UBL3: variants seen among roughly 807,000 people sequenced by gnomAD.
UBL3 encodes ubiquitin like 3, also known as ubiquitin-like protein 3.
Under a neutral mutation model 18.4 loss-of-function variants are expected in UBL3, and 6 were observed. The ratio of observed to expected loss-of-function variants is 0.33; its 90% CI spans 0.18 to 0.64. The LOEUF (loss-of-function observed/expected upper bound fraction) is 0.64. Among genes scored for constraint, UBL3 ranks in the 30% least tolerant of loss-of-function variants. The probability of loss-of-function intolerance (pLI) is 0.76; values close to 1 mark genes in which losing one functional copy is unlikely to be tolerated. For synonymous variants in UBL3, 49 were observed against 46.6 expected, an observed-to-expected ratio of 1.05 and a Z score of -0.21; for missense variants, 109 against 142.9, an observed-to-expected ratio of 0.76 and a Z score of 1.21.
intron 1 of UBL3, among the ~76,000 whole-genome samples, chr13:29,788,470 C>A (rs895218249): frequency 2.6e-5 from 4 of 152,152 alleles, no homozygotes; most frequent in Admixed American, 2.6e-4. Flanking sequence ...CTGGCTAGAA[C>A]CTGGGTTTTC....
intron 1 of UBL3, among the ~76,000 whole-genome samples, chr13:29,837,397 T>C (rs1415663688): frequency 6.6e-6 from 1 of 152,036 alleles, no homozygotes; most frequent in Non-Finnish European, 1.5e-5. Context: ...ACTCAATAAT[T>C]AGAAATAACT....
At chr13:29,841,639 A>C (rs1238001432) in intron 1 of UBL3, among the ~76,000 whole-genome samples, 1 of 152,174 alleles carries the variant, frequency 6.6e-6, no homozygotes, top group Non-Finnish European at 1.5e-5. Flanking sequence ...ATTGGGAAGG[A>C]ATCTAAGGCA....
chr13:29,824,808 TA>T (rs1878573701), intron 1 of UBL3, among the ~76,000 whole-genome samples: 1 of 152,224 alleles, frequency 6.6e-6, no homozygotes, highest in African/African-American at 2.4e-5. Context: ...TGGTACTGCC[TA>T]GGTTTTCTTC....
intron 1 of UBL3, among the ~76,000 whole-genome samples, chr13:29,800,156 C>A (rs1219078732): frequency 6.6e-6 from 1 of 152,202 alleles, no homozygotes; most frequent in Admixed American, 6.5e-5. Flanking sequence ...TCCGCAAACA[C>A]CCTGCGGTCA....
At chr13:29,772,219 T>TGG in intron 2 of UBL3, 21 bp from the exon 3 acceptor site, 6 of 1,589,190 alleles carry the variant, frequency 3.8e-6, no homozygotes, top group Non-Finnish European at 4.3e-6. Context: ...TCCAGTGTAC[T>TGG]GGTTAGGTAT....
chr13:29,781,053 T>TAGTC (rs1159036415), intron 1 of UBL3, among the ~76,000 whole-genome samples: 1 of 152,096 alleles, frequency 6.6e-6, no homozygotes, highest in Admixed American at 6.6e-5. Flanking sequence ...TGCGCGCTTG[T>TAGTC]AGTCCCGGCT....
At chr13:29,775,234 AT>A (rs1003346913) in intron 2 of UBL3, among the ~76,000 whole-genome samples, 3 of 152,204 alleles carry the variant, frequency 2.0e-5, no homozygotes, top group African/African-American at 7.2e-5. Flanking sequence ...TTCTGAATCA[AT>A]CTTTTTTAGT....
chr13:29,816,081 T>G (rs1350932958), intron 1 of UBL3, among the ~76,000 whole-genome samples: 2 of 152,178 alleles, frequency 1.3e-5, no homozygotes, highest in Non-Finnish European at 2.9e-5. Context: ...TTGTAGGATT[T>G]TTTTCCCCAC....
At chr13:29,824,958 T>C (rs1301193727) in intron 1 of UBL3, among the ~76,000 whole-genome samples, 11 of 152,364 alleles carry the variant, frequency 7.2e-5, no homozygotes, top group Admixed American at 3.3e-4. Context: ...ATTTGTTAAA[T>C]AGGCAATCCT....
At chr13:29,779,151 C>A in intron 1 of UBL3, 1 of 451,982 alleles carries the variant, frequency 2.2e-6, no homozygotes, top group East Asian at 6.4e-5. Flanking sequence ...AAAGTACCAC[C>A]TTGTTTATTT....
chr13:29,841,602 A>G (rs1277505970), intron 1 of UBL3, among the ~76,000 whole-genome samples: 1 of 152,152 alleles, frequency 6.6e-6, no homozygotes, highest in Non-Finnish European at 1.5e-5. Flanking sequence ...GCTCAGACCA[A>G]TCAGTAGGGA....
chr13:29,811,482 T>C lies in UBL3; in HGVS notation c.28-34219A>G, dbSNP rs1442314213. Reference sequence around the variant, plus strand: ...ACCTAGTTCTGGACAAAGAGGTGTATGGAAGACTGATGGGGGCTTCTAGGA... The same window carrying C: ...ACCTAGTTCTGGACAAAGAGGTGTACGGAAGACTGATGGGGGCTTCTAGGA... On this transcript the variant is annotated intron_variant, in intron 1 of 4. Coordinates refer to ENST00000380680, the MANE Select transcript of UBL3 (RefSeq NM_007106.4). Among the ~76,000 whole-genome samples the C allele has an allele frequency of 1.1e-4, 17 of 152,056 alleles. 1 individual carries two copies. The highest frequency in any genetic ancestry group is 1.1e-3 in the Admixed American group (17 of 15,244).
chr13:29,846,429 GCCACTC>G (rs1332531567), intron 1 of UBL3, among the ~76,000 whole-genome samples: 5 of 152,040 alleles, frequency 3.3e-5, no homozygotes, highest in African/African-American at 1.2e-4. Context: ...CACTACGGGT[GCCACTC>G]CCTCATCCAA....
In UBL3 at chr13:29,819,459, T is replaced by C. The variant is rs149648599; in HGVS notation, c.27+30053A>G. 2.3e-3 allele frequency among the ~76,000 whole-genome samples: 347 copies of C among 152,282 alleles called. 2 individuals are homozygous for C. Among genetic ancestry groups the C allele is most frequent in the African/African-American group, 8.1e-3 (335 of 41,548 alleles). On this transcript the variant is annotated intron_variant, in intron 1 of 4. Coordinates refer to ENST00000380680, the MANE Select transcript of UBL3 (RefSeq NM_007106.4). ...TGAATACAACATTTGGCCAAGTCCATAAACTAAGGAGATTGTTACAATGGT... is the reference window on the plus strand; with the variant it reads ...TGAATACAACATTTGGCCAAGTCCACAAACTAAGGAGATTGTTACAATGGT...
chr13:29,792,593 T>C (rs1877509865), intron 1 of UBL3, among the ~76,000 whole-genome samples: 1 of 152,210 alleles, frequency 6.6e-6, no homozygotes, highest in African/African-American at 2.4e-5. Flanking sequence ...TGCATCAACC[T>C]GTGACTAGTG....
intron 1 of UBL3, among the ~76,000 whole-genome samples, chr13:29,836,029 A>G (rs1326824122): frequency 6.6e-6 from 1 of 152,216 alleles, no homozygotes; most frequent in Admixed American, 6.5e-5. Context: ...AAAAGGTACT[A>G]CAGGGAATGT....
At chr13:29,843,886 C>A (rs1199211803) in intron 1 of UBL3, among the ~76,000 whole-genome samples, 2 of 152,110 alleles carry the variant, frequency 1.3e-5, no homozygotes, top group Non-Finnish European at 2.9e-5. Context: ...AACACATCCG[C>A]TAGATTTTTA....
chr13:29,780,629 T>C (rs1353928506), intron 1 of UBL3, among the ~76,000 whole-genome samples: 3 of 151,928 alleles, frequency 2.0e-5, no homozygotes, highest in African/African-American at 4.8e-5. Context: ...CTACGAAATA[T>C]AGAATATTCA....
rs865882072 is a variant in UBL3 at position 29,835,168 on chromosome 13, A to C, written c.27+14344T>G. On this transcript the variant is annotated intron_variant, in intron 1 of 4. Transcript: ENST00000380680. Reference sequence around the variant, plus strand: ...TATATATATATATATATATATATATATATATATATATATATATCTCCACCC... The same window carrying C: ...TATATATATATATATATATATATATCTATATATATATATATATCTCCACCC... Among the ~76,000 whole-genome samples, 330 of 57,862 alleles carry C rather than the reference A, an allele frequency of 5.7e-3. 27 individuals carry two copies. The highest frequency in any genetic ancestry group is 0.022 in the African/African-American group (298 of 13,842). The allele number at this position is 57,862 out of a possible 152,430, so 38.0% of individuals were successfully genotyped here. A position where few individuals can be genotyped will look rare whatever the true frequency, so the allele number is the denominator to read the frequency against.
Sources: gnomAD v4.1 joint callset for allele counts (sites outside exome capture counted in the v4.1 genomes callset) on GRCh38, gnomAD v4.1.1 for gene constraint, MANE v1.5 for transcripts, NCBI Gene and HGNC (gene_info 2026-07-23, HGNC 2026-07-21) for gene names.